The following PID1 variants were observed in gnomAD, a reference collection of about 807,000 sequenced individuals.
The protein encoded by PID1 is PTB-containing, cubilin and LRP1-interacting protein.
PID1 carries 10 observed loss-of-function variants against 19.1 expected under a neutral mutation model. That is an observed-to-expected ratio of 0.52 (90% CI 0.32 to 0.89). The LOEUF (loss-of-function observed/expected upper bound fraction) is 0.89, where lower values mean the gene tolerates loss of function less well. Among genes scored for constraint, PID1 ranks in the 40% least tolerant of loss-of-function variants. The pLI, the probability that PID1 is intolerant of heterozygous loss-of-function variation, is 0.03. For missense variants in PID1, 248 were observed against 285.3 expected, an observed-to-expected ratio of 0.87 and a Z score of 0.94; for synonymous variants, 130 against 116.0, an observed-to-expected ratio of 1.12 and a Z score of -0.78.
chr2:229,245,432 A>G (rs1380864586), intron 1 of PID1, among the ~76,000 whole-genome samples: 1 of 152,114 alleles, frequency 6.6e-6, no homozygotes, highest in African/African-American at 2.4e-5. Flanking sequence ...CCCTCTCATC[A>G]GCCTTTACTA....
intron 1 of PID1, among the ~76,000 whole-genome samples, chr2:229,225,369 C>T (rs1490350080): frequency 6.6e-6 from 1 of 152,148 alleles, no homozygotes; most frequent in East Asian, 1.9e-4. Flanking sequence ...CATTCTCCAT[C>T]CTCTATGGAT....
Position 229,254,141 on chromosome 2 carries a change from C to T in PID1, c.30+16873G>A, listed in dbSNP as rs1355344182. Among the ~76,000 whole-genome samples the T allele has an allele frequency of 3.3e-5, 5 of 152,052 alleles. No individual in the cohort carries two copies. The East Asian group carries it at 7.7e-4, about 23-fold the overall frequency. ...CATAGTCCCCGTGGCTAAAGAATGG[C>T]ACATTCATTACGAACAACAACAACA... On this transcript the variant is annotated intron_variant, in intron 1 of 2. Transcript: ENST00000392055.
chr2:229,142,363 G>T (rs1690033475), intron 2 of PID1, among the ~76,000 whole-genome samples: 1 of 152,070 alleles, frequency 6.6e-6, no homozygotes, highest in African/African-American at 2.4e-5. Flanking sequence ...GGAAAAGATG[G>T]CAAATTGTCC....
intron 2 of PID1, among the ~76,000 whole-genome samples, chr2:229,102,702 T>G (rs1695098255): frequency 6.6e-6 from 1 of 152,184 alleles, no homozygotes; most frequent in East Asian, 1.9e-4. Context: ...CTCTAGGTCC[T>G]GTTATAGATG....
chr2:229,261,209 A>C (rs150325025), intron 1 of PID1, among the ~76,000 whole-genome samples: 1 of 152,304 alleles, frequency 6.6e-6, no homozygotes, highest in East Asian at 1.9e-4. Flanking sequence ...TAACCCTGCC[A>C]GCATCTGATT....
At chr2:229,257,215 T>C (rs1690324007) in intron 1 of PID1, among the ~76,000 whole-genome samples, 1 of 152,236 alleles carries the variant, frequency 6.6e-6, no homozygotes, top group Non-Finnish European at 1.5e-5. Context: ...GAGCATGTGA[T>C]GTCTTGGCTC....
chr2:229,233,482 T>C (rs978878675), intron 1 of PID1, among the ~76,000 whole-genome samples: 6 of 98,510 alleles, frequency 6.1e-5, no homozygotes, highest in African/African-American at 8.4e-5. Flanking sequence ...AAGTAGTCAG[T>C]GTGCTAGATT....
Position 229,035,005 on chromosome 2 carries a change from C to T in PID1, c.178-8897G>A, listed in dbSNP as rs144748882. The stretch of plus-strand genomic sequence containing the variant: ...GTCTCCCAACTCTAAGAAAAATGTT[C>T]CTTCCATCTCAGCATGTGACTCCTT... On this transcript the variant is annotated intron_variant, in intron 2 of 2. Transcript: ENST00000392055. Among the ~76,000 whole-genome samples, 499 of 152,130 alleles carry T rather than the reference C, an allele frequency of 3.3e-3. 3 individuals carry two copies. Among genetic ancestry groups the T allele is most frequent in the South Asian group, 0.018 (88 of 4,812 alleles).
In PID1 at chr2:229,092,764, T is replaced by C. The variant is rs1452783004; in HGVS notation, c.177+63054A>G. Among the ~76,000 whole-genome samples, 4 of 152,192 alleles carry C rather than the reference T, an allele frequency of 2.6e-5. 1 individual carries two copies. In the East Asian group the frequency reaches 7.7e-4, roughly 29 times the overall value. Reference sequence around the variant, plus strand: ...CTTAGACTCATGCTTAAATGCATCCTCTCGAAAAATAAAAACTTAATACAC... The same window carrying C: ...CTTAGACTCATGCTTAAATGCATCCCCTCGAAAAATAAAAACTTAATACAC... On this transcript the variant is annotated intron_variant, in intron 2 of 2. Coordinates refer to ENST00000392055, the MANE Select transcript of PID1 (RefSeq NM_001100818.2).
chr2:229,150,462 C>G (rs892079950), intron 2 of PID1, among the ~76,000 whole-genome samples: 3 of 152,072 alleles, frequency 2.0e-5, no homozygotes, highest in Admixed American at 2.0e-4. Context: ...TCAAGGCAGA[C>G]AGATTCAGTC....
At chr2:229,125,780 T>C (rs939065972) in intron 2 of PID1, among the ~76,000 whole-genome samples, 8 of 152,226 alleles carry the variant, frequency 5.3e-5, no homozygotes, top group Non-Finnish European at 8.8e-5. Context: ...GAACACTTCA[T>C]GCACATTTTC....
intron 1 of PID1, among the ~76,000 whole-genome samples, chr2:229,237,870 T>C (rs1401892949): frequency 6.6e-6 from 1 of 152,222 alleles, no homozygotes. Flanking sequence ...AGTTAATTTA[T>C]ACTGACACTG....
In PID1 at chr2:229,026,006, C is replaced by G. The variant is rs746380607; in HGVS notation, c.280G>C (p.Glu94Gln). ...AGGGCATTGGCCGGAAAGACATCCT[C>G]TCGGGCTAGCGTGTGCTTCTTCCAG... ...ELWKKHTLAR[E>Q]DVFPANALLE... Residue 94 changes from glutamate (E) to glutamine (Q), a missense_variant, in exon 3 of 3, where the codon GAG becomes CAG. Physicochemically the swap from Glu to Gln is conservative, Grantham distance 29. Coordinates refer to ENST00000392055, the MANE Select transcript of PID1 (RefSeq NM_001100818.2). 1 of 1,614,218 alleles carries G rather than the reference C, an allele frequency of 6.2e-7. No individual in the cohort carries two copies. The highest frequency in any genetic ancestry group is 1.7e-5 in the Admixed American group (1 of 60,030).
chr2:229,082,651 G>C (rs1574614195), intron 2 of PID1, among the ~76,000 whole-genome samples: 1 of 152,240 alleles, frequency 6.6e-6, no homozygotes, highest in Admixed American at 6.5e-5. Context: ...CTTTAGAGCA[G>C]AGAGTGGCTC....
intron 2 of PID1, among the ~76,000 whole-genome samples, chr2:229,031,622 T>C (rs1693557816): frequency 6.6e-6 from 1 of 151,902 alleles, no homozygotes; most frequent in African/African-American, 2.4e-5. Context: ...AAGAGAAACA[T>C]AGGAAAACAA....
chr2:229,093,163 C>T (rs557481541), intron 2 of PID1, among the ~76,000 whole-genome samples: 24 of 147,862 alleles, frequency 1.6e-4, no homozygotes, highest in South Asian at 6.4e-4. Context: ...GATGGAGTCT[C>T]GCTCTGTCAC....
Position 229,156,132 on chromosome 2 carries a change from G to A in PID1, c.31-168C>T, listed in dbSNP as rs989326. On this transcript the variant is annotated intron_variant, in intron 1 of 2. Coordinates refer to ENST00000392055, the MANE Select transcript of PID1 (RefSeq NM_001100818.2). The stretch of plus-strand genomic sequence containing the variant: ...AGGGGGAACTGTGTCCTGTCAGGAC[G>A]TCACTCAGATGAAACTGTGGAGACA... Among the ~76,000 whole-genome samples the A allele has an allele frequency of 0.29, 43,811 of 152,150 alleles. 6,798 individuals carry two copies. Among genetic ancestry groups the A allele is most frequent in the Non-Finnish European group, 0.36 (24,251 of 67,970 alleles).
chr2:229,163,650 A>AGTGTGT (rs796992081), intron 1 of PID1, among the ~76,000 whole-genome samples: 19 of 140,962 alleles, frequency 1.3e-4, no homozygotes, highest in Admixed American at 5.6e-4. Context: ...AGAGAGAGAG[A>AGTGTGT]GTGTGTGTGT....
At chr2:229,056,687 C>CA (rs11388666) in intron 2 of PID1, among the ~76,000 whole-genome samples, 110,856 of 151,278 alleles carry the variant, frequency 0.73, 41,115 homozygotes, top group African/African-American at 0.83. Context: ...CTTCCCAATG[C>CA]ACCACCAAGC....
Sources: allele counts gnomAD v4.1 joint callset (sites outside exome capture counted in the v4.1 genomes callset), GRCh38; gene constraint gnomAD v4.1.1; transcripts MANE v1.5; gene names NCBI Gene and HGNC (gene_info 2026-07-23, HGNC 2026-07-21).